Variants in LRP2 observed in about 807,000 individuals in gnomAD.
LRP2 encodes the protein LDL receptor related protein 2.
Under a neutral mutation model 531.0 loss-of-function variants are expected in LRP2, and 172 were observed. The observed-to-expected ratio is 0.32, with a 90% CI of 0.29 to 0.37. The LOEUF (loss-of-function observed/expected upper bound fraction) is 0.37. Among genes scored for constraint, LRP2 ranks in the 10% least tolerant of loss-of-function variants. The pLI, the probability that LRP2 is intolerant of heterozygous loss-of-function variation, is 1.00. For missense variants in LRP2, 5,167 were observed against 5,868.3 expected (o/e 0.88, Z 3.90); for synonymous variants, 1,992 against 2,027.6 (o/e 0.98, Z 0.47).
intron 35 of LRP2, 144 bp downstream of exon 35, chr2:169,216,109 A>G: frequency 1.2e-6 from 1 of 831,286 alleles, no homozygotes; most frequent in Non-Finnish European, 2.0e-6. Flanking sequence ...AAGGGAGAGA[A>G]GTTATTGGGA....
intron 1 of LRP2, among the ~76,000 whole-genome samples, chr2:169,351,033 A>G (rs1227300493): frequency 6.6e-6 from 1 of 152,192 alleles, no homozygotes; most frequent in African/African-American, 2.4e-5. Flanking sequence ...GACAGGAACA[A>G]GCATGAGATA....
chr2:169,293,268 A>G (rs1476470721), intron 6 of LRP2, among the ~76,000 whole-genome samples: 1 of 152,228 alleles, frequency 6.6e-6, no homozygotes, highest in African/African-American at 2.4e-5. Context: ...TCCAAAAAAC[A>G]TAAGTGGAGA....
At chr2:169,166,125 C>T in intron 61 of LRP2, 71 bp from the exon 62 acceptor site, 2 of 1,514,394 alleles carry the variant, frequency 1.3e-6, no homozygotes, top group Non-Finnish European at 1.8e-6. Context: ...CTAAAATACT[C>T]CAGTGTCAGC....
At chr2:169,254,917 G>C (rs940205802) in intron 19 of LRP2, among the ~76,000 whole-genome samples, 2 of 151,982 alleles carry the variant, frequency 1.3e-5, no homozygotes, top group South Asian at 2.1e-4. Flanking sequence ...AGGGGGACGG[G>C]AGGAGTATTT....
chr2:169,352,830 A>T (rs1224875803), intron 1 of LRP2, among the ~76,000 whole-genome samples: 4 of 151,450 alleles, frequency 2.6e-5, no homozygotes, highest in Non-Finnish European at 4.4e-5. Flanking sequence ...GGGGGGGAAC[A>T]TCACACACAG....
At chr2:169,272,880 C>G in intron 15 of LRP2, 47 bp downstream of exon 15, 1 of 1,611,092 alleles carries the variant, frequency 6.2e-7, no homozygotes, top group Non-Finnish European at 8.5e-7. Flanking sequence ...TTTGGACACA[C>G]ATACACCTGT....
chr2:169,170,499 C>T (rs1574092593), intron 59 of LRP2, 52 bp downstream of exon 59: 2 of 1,417,304 alleles, frequency 1.4e-6, no homozygotes, highest in East Asian at 4.5e-5. Context: ...TTTGAAGCCC[C>T]TACACTGTCA....
At chr2:169,226,695 T>A (rs976614201) in intron 31 of LRP2, 107 bp from the exon 32 acceptor site, 2 of 784,752 alleles carry the variant, frequency 2.5e-6, no homozygotes, top group African/African-American at 3.4e-5. Flanking sequence ...AAAATGACAT[T>A]GCAGCATTGC....
rs779749899 is a variant in LRP2 at position 169,157,464 on chromosome 2, C to T, written c.11926G>A (p.Glu3976Lys). The change falls in exon 64 of 79, where the codon GAG becomes AAG. Residue 3976 changes from glutamate to lysine, a missense_variant. Around this residue, in one of 6 missense-constraint regions of LRP2, gnomAD observed 564 missense variants for 747.7 expected, o/e 0.75. Transcript: ENST00000649046. ...KERTCAENIC[E>K]QNCTQLNEGG... ...TCATTTAATTGGGTACAATTTTGCT[C>T]GCATATATTTTCAGCACATGTTCTT... 8 of 1,612,950 alleles carry T rather than the reference C, an allele frequency of 5.0e-6. No individual in the cohort carries two copies. Among genetic ancestry groups the T allele is most frequent in the South Asian group, 1.1e-5 (1 of 91,056 alleles).
intron 24 of LRP2, among the ~76,000 whole-genome samples, chr2:169,241,646 C>T (rs2105384357): frequency 6.6e-6 from 1 of 152,236 alleles, no homozygotes; most frequent in African/African-American, 2.4e-5. Flanking sequence ...ATCCTGTTTC[C>T]TTTTCCTGTG....
chr2:169,135,106 T>A (rs1685449820), intron 76 of LRP2, among the ~76,000 whole-genome samples: 1 of 152,184 alleles, frequency 6.6e-6, no homozygotes, highest in African/African-American at 2.4e-5. Context: ...TCTGTCATCA[T>A]TTCATAACCT....
chr2:169,337,562 T>C (rs1015556263), intron 1 of LRP2, among the ~76,000 whole-genome samples: 17 of 152,148 alleles, frequency 1.1e-4, no homozygotes, highest in African/African-American at 3.9e-4. Flanking sequence ...CCTAAGGAAA[T>C]ATTGCAAAAA....
At chr2:169,268,822 T>G (rs1162547761) in intron 16 of LRP2, among the ~76,000 whole-genome samples, 3 of 152,232 alleles carry the variant, frequency 2.0e-5, no homozygotes, top group African/African-American at 7.2e-5. Flanking sequence ...TGTCCCTGTT[T>G]GCAGATGATA....
intron 74 of LRP2, 99 bp from the exon 75 acceptor site, chr2:169,138,805 G>T: frequency 7.4e-7 from 1 of 1,351,140 alleles, no homozygotes; most frequent in Non-Finnish European, 1.0e-6. Context: ...CCTCCACATT[G>T]CCAAATCTTC....
intron 51 of LRP2, among the ~76,000 whole-genome samples, chr2:169,181,839 T>G (rs1559000322): frequency 1.3e-5 from 2 of 151,690 alleles, no homozygotes; most frequent in Non-Finnish European, 2.9e-5. Flanking sequence ...CAAATAAACA[T>G]AGTTAACTGG....
At chr2:169,273,132 C>A (rs946351406) in intron 14 of LRP2, 65 bp from the exon 15 acceptor site, 9 of 1,565,754 alleles carry the variant, frequency 5.7e-6, no homozygotes, top group Non-Finnish European at 7.0e-6. Flanking sequence ...AGACATGAAG[C>A]CACTTCTAGC....
intron 70 of LRP2, among the ~76,000 whole-genome samples, chr2:169,144,533 G>T (rs534868362): frequency 6.6e-6 from 1 of 152,308 alleles, no homozygotes; most frequent in Non-Finnish European, 1.5e-5. Context: ...AGGGGAGATA[G>T]CCTTTCCAGG....
intron 22 of LRP2, 123 bp downstream of exon 22, chr2:169,244,570 A>G: frequency 7.8e-7 from 1 of 1,289,944 alleles, no homozygotes; most frequent in South Asian, 1.2e-5. Flanking sequence ...TGACAAGTGG[A>G]ATAGAAGTAC....
chr2:169,283,087 A>G, intron 9 of LRP2, 86 bp from the exon 10 acceptor site: 2 of 1,404,762 alleles, frequency 1.4e-6, no homozygotes, highest in Non-Finnish European at 2.0e-6. Flanking sequence ...TAAGATGGCC[A>G]AGAATGTGGT....
Sources: allele counts gnomAD v4.1 joint callset (sites outside exome capture counted in the v4.1 genomes callset), GRCh38; gene constraint gnomAD v4.1.1; regional missense constraint gnomAD v4.1.1; transcripts MANE v1.5; gene names NCBI Gene and HGNC (gene_info 2026-07-23, HGNC 2026-07-21).